ADAM20: variants seen among roughly 807,000 people sequenced by gnomAD.
ADAM20 encodes ADAM metallopeptidase domain 20.
For synonymous variants in ADAM20, 305 were observed against 310.2 expected (o/e 0.98, Z 0.18); for missense variants, 871 against 883.2 (o/e 0.99, Z 0.18).
At chr14:70,572,658 C>T in the ADAM20 span, among the ~76,000 whole-genome samples, 1 of 152,048 alleles carries the variant, frequency 6.6e-6, no homozygotes, top group African/African-American at 2.4e-5. Context: ...ACACAGTAAA[C>T]AGCCAGCCTA....
At chr14:70,541,195 C>T in the ADAM20 span, among the ~76,000 whole-genome samples, 19 of 152,264 alleles carry the variant, frequency 1.2e-4, 1 homozygote, top group South Asian at 3.7e-3. Context: ...GAGAGATTGT[C>T]TGAAGGTCAC....
At chr14:70,531,775 T>G (rs1448725987) in intron 1 of ADAM20, among the ~76,000 whole-genome samples, 6 of 151,972 alleles carry the variant, frequency 3.9e-5, no homozygotes, top group Non-Finnish European at 7.4e-5. Context: ...ATAAAATACT[T>G]AGGAATAATC....
rs138503261 is a variant in ADAM20, at chr14:70,532,453, A to C, written c.-177+2344T>G. On this transcript the variant is annotated intron_variant, in intron 1 of 1. Transcript: ENST00000256389. ...CATGACACCAAAAGCACGGGCAATA[A>C]AAGCAAAAATGAGACTACCTCAAAC... Among the ~76,000 whole-genome samples, 1,144 of 152,304 alleles carry C rather than the reference A, an allele frequency of 7.5e-3. 8 individuals are homozygous for C. Among genetic ancestry groups the C allele is most frequent in the South Asian group, 0.031 (149 of 4,824 alleles).
At chr14:70,565,602 T>C in the ADAM20 span, among the ~76,000 whole-genome samples, 1 of 152,156 alleles carries the variant, frequency 6.6e-6, no homozygotes, top group African/African-American at 2.4e-5. Flanking sequence ...GAGAGTGAGA[T>C]GATATATACA....
At position 70,524,225 on chromosome 14, in the gene ADAM20, T is replaced by C. The variant is rs1230928205; in HGVS notation, c.533A>G (p.Glu178Gly). 2 of 1,613,906 alleles carry C rather than the reference T, an allele frequency of 1.2e-6. No homozygotes were observed. Among genetic ancestry groups the C allele is most frequent in the Non-Finnish European group, 1.7e-6 (2 of 1,179,948 alleles). The change falls in exon 2 of 2, where the codon GAG (glutamate) becomes GGG (glycine). Residue 178 changes from glutamate to glycine, a missense_variant. Coordinates refer to ENST00000256389, the MANE Select transcript of ADAM20 (RefSeq NM_003814.5). ...FPPMRCGLTE[E>G]KIAHQMELQL... The stretch of plus-strand genomic sequence containing the variant: ...CAACTCCATCTGGTGTGCTATTTTC[T>C]CTTCTGTTAACCCACATCTCATAGG...
chr14:70,529,969 T>C (rs966139246), intron 1 of ADAM20, among the ~76,000 whole-genome samples: 8 of 152,286 alleles, frequency 5.3e-5, no homozygotes, highest in South Asian at 2.1e-4. Flanking sequence ...ACATAAAACA[T>C]TGTACAGCTG....
the ADAM20 span, chr14:70,556,554 G>A: frequency 6.6e-6 from 1 of 152,228 alleles, no homozygotes; most frequent in Non-Finnish European, 1.5e-5. Flanking sequence ...TACCACATAT[G>A]TTCGAACACC....
the ADAM20 span, among the ~76,000 whole-genome samples, chr14:70,562,444 G>C: frequency 1.3e-5 from 2 of 152,224 alleles, no homozygotes; most frequent in Non-Finnish European, 2.9e-5. Flanking sequence ...GCTGAAATGA[G>C]TTAAAGCTGG....
rs117452523 is a variant in ADAM20, at chr14:70,524,412, C to G, written c.346G>C (p.Glu116Gln). The G allele has an allele frequency of 5.5e-5, 89 of 1,614,006 alleles. No individual in the cohort carries two copies. The highest frequency in any genetic ancestry group is 7.5e-5 in the Non-Finnish European group (88 of 1,179,940). ...QDDCYYHGYV[E>Q]GVPESLVALS... ...GCAACCAAGGACTCAGGGACCCCCT[C>G]CACATAACCATGGTAGTAGCAGTCA... Residue 116 changes from glutamate to glutamine, a missense_variant, in exon 2 of 2, where the codon GAG (glutamate) becomes CAG (glutamine). Transcript: ENST00000256389.
In ADAM20 at chr14:70,524,381, C is replaced by A; in HGVS notation, c.377G>T (p.Ser126Ile). 6.2e-7 allele frequency: 1 copy of A among 1,613,958 alleles called. No individual in the cohort carries two copies. Among genetic ancestry groups the A allele is most frequent in the Non-Finnish European group, 8.5e-7 (1 of 1,179,924 alleles). ...TCCAAGAAAGCCCCCAGAACAGGTACTAAGGGCAACCAAGGACTCAGGGAC... is the reference window on the plus strand; with the variant it reads ...TCCAAGAAAGCCCCCAGAACAGGTAATAAGGGCAACCAAGGACTCAGGGAC... ...EGVPESLVAL[S>I]TCSGGFLGML... The change falls in exon 2 of 2, where the codon AGT becomes ATT. Residue 126 changes from serine (S) to isoleucine (I), a missense_variant. Ser to Ile is a moderately radical substitution (Grantham distance 142, BLOSUM62 -2). Transcript: ENST00000256389.
chr14:70,555,122 C>T, the ADAM20 span, among the ~76,000 whole-genome samples: 2 of 152,264 alleles, frequency 1.3e-5, no homozygotes, highest in African/African-American at 4.8e-5. Flanking sequence ...TCCTGGCCTT[C>T]GGACCCTATT....
At position 70,523,844 on chromosome 14, in the gene ADAM20, C is replaced by T; in HGVS notation, c.914G>A (p.Gly305Asp). The T allele has an allele frequency of 6.2e-7, 1 of 1,613,904 alleles. No individual in the cohort carries two copies. The highest frequency in any genetic ancestry group is 8.5e-7 in the Non-Finnish European group (1 of 1,179,912). The change falls in exon 2 of 2, where the codon GGC becomes GAC. Residue 305 changes from glycine (G) to aspartate (D), a missense_variant. Coordinates refer to ENST00000256389, the MANE Select transcript of ADAM20 (RefSeq NM_003814.5). ...AACATAGGCAACACCAAGCTTCATG[C>T]CTTGTGTGTCTTTTATGAAAAGATG... is the stretch of plus-strand genomic sequence containing the variant. ...VAHLFIKDTQ[G>D]MKLGVAYVKG...
At chr14:70,557,631 G>A in the ADAM20 span, among the ~76,000 whole-genome samples, 1 of 152,246 alleles carries the variant, frequency 6.6e-6, no homozygotes, top group Non-Finnish European at 1.5e-5. Flanking sequence ...AGAAGATAGT[G>A]CATGATCACT....
chr14:70,575,147 T>C, the ADAM20 span, among the ~76,000 whole-genome samples: 2 of 150,890 alleles, frequency 1.3e-5, no homozygotes, highest in African/African-American at 2.4e-5. Flanking sequence ...TTAACAATAT[T>C]GTATTGTGTA....
Sources: allele counts gnomAD v4.1 joint callset (sites outside exome capture counted in the v4.1 genomes callset), GRCh38; gene constraint gnomAD v4.1.1; transcripts MANE v1.5; gene names NCBI Gene and HGNC (gene_info 2026-07-23, HGNC 2026-07-21).